The following SPECC1 variants were observed in gnomAD, a reference collection of about 807,000 sequenced individuals.
SPECC1 encodes cytospin-B.
A neutral mutation model predicts 104.1 loss-of-function variants in SPECC1; 62 were observed. The ratio of observed to expected loss-of-function variants is 0.60; its 90% CI spans 0.49 to 0.74. The LOEUF is 0.74. Ranked by LOEUF, SPECC1 falls within the 30% of genes least tolerant of loss-of-function variation. The probability of loss-of-function intolerance (pLI) is 0.00; values close to 1 mark genes in which losing one functional copy is unlikely to be tolerated. For missense variants in SPECC1, 1,306 were observed against 1,310.5 expected, an observed-to-expected ratio of 1.00 and a Z score of 0.05; for synonymous variants, 513 against 501.6, an observed-to-expected ratio of 1.02 and a Z score of -0.30.
rs986063553 is a variant in SPECC1, at chr17:20,260,177, C to T, written c.2838-15C>T. 4 of 1,603,220 alleles carry T rather than the reference C, an allele frequency of 2.5e-6. No individual in the cohort carries two copies. The highest frequency in any genetic ancestry group is 1.7e-5 in the Admixed American group (1 of 59,454). The stretch of plus-strand genomic sequence containing the variant: ...TAGCATCTTCTCCTTACCATGTGCT[C>T]TTCTTTCTAACCAGTGTGGAAAGAA... On this transcript the variant is annotated splice_polypyrimidine_tract_variant and intron_variant, in intron 11 of 14. Transcript: ENST00000395527.
chr17:20,026,035 G>C (rs2044586699), intron 1 of SPECC1, among the ~76,000 whole-genome samples: 1 of 151,742 alleles, frequency 6.6e-6, no homozygotes, highest in Non-Finnish European at 1.5e-5. Flanking sequence ...TATATTCAAG[G>C]CTTTTACCCA....
At position 20,050,892 on chromosome 17, in the gene SPECC1, C is replaced by A. The variant is rs117394755; in HGVS notation, c.-22+41468C>A. 3.3e-5 allele frequency among the ~76,000 whole-genome samples: 5 copies of A among 152,262 alleles called. No homozygotes were observed. In the East Asian group the frequency reaches 9.6e-4, roughly 29 times the overall value. ...ACTAGTAACTCTTAGAAAACTAATGCATACATGAGCTGGTAAAGAGGAACT... is the reference window on the plus strand; with the variant it reads ...ACTAGTAACTCTTAGAAAACTAATGAATACATGAGCTGGTAAAGAGGAACT... On this transcript the variant is annotated intron_variant, in intron 1 of 14. Transcript: ENST00000395527.
chr17:20,214,292 T>C (rs915483990), intron 4 of SPECC1, among the ~76,000 whole-genome samples: 8 of 152,258 alleles, frequency 5.3e-5, no homozygotes, highest in Non-Finnish European at 1.2e-4. Context: ...TAATGCCCTT[T>C]ATGGCACAAA....
intron 2 of SPECC1, among the ~76,000 whole-genome samples, chr17:20,102,824 A>G (rs1361111648): frequency 6.6e-6 from 1 of 152,132 alleles, no homozygotes; most frequent in Admixed American, 6.6e-5. Context: ...TTTTTACAGG[A>G]TAACAATAGT....
chr17:20,196,457 T>C (rs2036041526), intron 3 of SPECC1, among the ~76,000 whole-genome samples: 1 of 149,780 alleles, frequency 6.7e-6, no homozygotes, highest in South Asian at 2.1e-4. Flanking sequence ...AGGCAAGTTA[T>C]ACAGTAAGAG....
intron 12 of SPECC1, among the ~76,000 whole-genome samples, chr17:20,280,345 G>A (rs1442808363): frequency 1.3e-5 from 2 of 152,204 alleles, no homozygotes; most frequent in African/African-American, 4.8e-5. Context: ...ACAAAACTAA[G>A]GCAGCAAGAG....
At chr17:20,018,793 C>T (rs2044252221) in intron 1 of SPECC1, among the ~76,000 whole-genome samples, 1 of 152,202 alleles carries the variant, frequency 6.6e-6, no homozygotes, top group Non-Finnish European at 1.5e-5. Context: ...GTGCTTAACT[C>T]CCCGAGGAAG....
At chr17:20,044,894 CAAGTA>C (rs1471398306) in intron 1 of SPECC1, among the ~76,000 whole-genome samples, 1 of 152,196 alleles carries the variant, frequency 6.6e-6, no homozygotes, top group Non-Finnish European at 1.5e-5. Context: ...TGGTATTTAT[CAAGTA>C]AAGGGTGTGC....
intron 3 of SPECC1, among the ~76,000 whole-genome samples, chr17:20,118,722 G>A (rs17759923): frequency 0.29 from 44,221 of 152,030 alleles, 8,233 homozygotes; most frequent in Non-Finnish European, 0.41. Context: ...AGATTTTCCT[G>A]TGCTGTTTGA....
At chr17:20,295,861 G>T (rs1175315639) in intron 12 of SPECC1, among the ~76,000 whole-genome samples, 1 of 152,086 alleles carries the variant, frequency 6.6e-6, no homozygotes, top group African/African-American at 2.4e-5. Flanking sequence ...ACTTTTTGAT[G>T]GGGTTGTTTG....
chr17:20,188,622 A>G (rs936084443), intron 3 of SPECC1, among the ~76,000 whole-genome samples: 1 of 152,190 alleles, frequency 6.6e-6, no homozygotes, highest in African/African-American at 2.4e-5. Flanking sequence ...GCAAATTATG[A>G]AGTCTCTCAG....
intron 3 of SPECC1, among the ~76,000 whole-genome samples, chr17:20,187,366 A>G (rs2035352457): frequency 6.6e-6 from 1 of 152,176 alleles, no homozygotes; most frequent in Admixed American, 6.5e-5. Flanking sequence ...GGTCTCAGTG[A>G]GTCAAGGATG....
chr17:20,110,980 C>T (rs553552682), intron 3 of SPECC1, among the ~76,000 whole-genome samples: 2 of 152,220 alleles, frequency 1.3e-5, no homozygotes, highest in African/African-American at 4.8e-5. Context: ...TGGGAAGAGC[C>T]TCGCCCAGCA....
At chr17:20,133,265 T>G (rs868779596) in intron 3 of SPECC1, among the ~76,000 whole-genome samples, 2 of 152,186 alleles carry the variant, frequency 1.3e-5, no homozygotes, top group Admixed American at 6.5e-5. Context: ...TTCTTTATTA[T>G]TTCCTTATCT....
chr17:20,264,841 C>T (rs1047255964), intron 12 of SPECC1, among the ~76,000 whole-genome samples: 3 of 152,076 alleles, frequency 2.0e-5, no homozygotes, highest in South Asian at 2.1e-4. Flanking sequence ...ATGTACTCAA[C>T]GTTTAGCTCC....
At chr17:20,015,439 C>G (rs1246293931) in intron 1 of SPECC1, among the ~76,000 whole-genome samples, 1 of 151,806 alleles carries the variant, frequency 6.6e-6, no homozygotes, top group African/African-American at 2.4e-5. Flanking sequence ...CTCTCTTTAT[C>G]TTTATGGGCT....
chr17:20,082,990 GTTC>G, intron 1 of SPECC1, among the ~76,000 whole-genome samples: 3 of 127,010 alleles, frequency 2.4e-5, no homozygotes, highest in Non-Finnish European at 5.5e-5. Flanking sequence ...TCGTTCGTTC[GTTC>G]GTTCGTTCGT....
At chr17:20,044,614 C>T (rs752256051) in intron 1 of SPECC1, among the ~76,000 whole-genome samples, 3 of 152,134 alleles carry the variant, frequency 2.0e-5, no homozygotes, top group Non-Finnish European at 4.4e-5. Context: ...AAGCACAGAA[C>T]TTGGCCATTA....
chr17:20,260,389 A>G (rs879783469), intron 12 of SPECC1, 95 bp downstream of exon 12: 28 of 979,644 alleles, frequency 2.9e-5, no homozygotes, highest in Non-Finnish European at 3.5e-5. Context: ...TGATGGGCCA[A>G]TATGCATGTA....
Sources: allele counts gnomAD v4.1 joint callset (sites outside exome capture counted in the v4.1 genomes callset), GRCh38; gene constraint gnomAD v4.1.1; transcripts MANE v1.5; gene names NCBI Gene and HGNC (gene_info 2026-07-23, HGNC 2026-07-21).